FANCB: variants seen among roughly 807,000 people sequenced by gnomAD.
FANCB encodes FA complementation group B.
A neutral mutation model predicts 38.9 loss-of-function variants in FANCB; 5 were observed. The observed-to-expected ratio is 0.13, with a 90% confidence interval of 0.07 to 0.27. The LOEUF is 0.27. Ranked by LOEUF, FANCB falls within the 10% of genes least tolerant of loss-of-function variation. The pLI is 1.00. For missense variants in FANCB, 573 were observed against 602.7 expected (o/e 0.95, Z 0.52); for synonymous variants, 236 against 215.4 (o/e 1.10, Z -0.84).
At chrX:14,712,995 C>A in the FANCB span, among the ~76,000 whole-genome samples, 4 of 112,011 alleles carry the variant, frequency 3.6e-5, no homozygotes, top group South Asian at 1.5e-3. Context: ...ATAGTTCTTC[C>A]CAGCCTTAGG....
chrX:14,846,137 C>T (rs1214114603), intron 7 of FANCB, among the ~76,000 whole-genome samples: 1 of 111,221 alleles, frequency 9.0e-6, no homozygotes, highest in Non-Finnish European at 1.9e-5. Flanking sequence ...GTAGTAGGTG[C>T]AACAGAGAAT....
chrX:14,803,270 T>C, the FANCB span, among the ~76,000 whole-genome samples: 2 of 112,089 alleles, frequency 1.8e-5, no homozygotes, highest in Non-Finnish European at 3.8e-5. Context: ...CCAGTTTGTA[T>C]ACACAAAAAG....
downstream of FANCB, among the ~76,000 whole-genome samples, chrX:14,833,693 C>T (rs2092333677): frequency 9.2e-6 from 1 of 108,935 alleles, no homozygotes; most frequent in Non-Finnish European, 1.9e-5. Context: ...TTCACACCTG[C>T]AATCTCAGCT....
the FANCB span, among the ~76,000 whole-genome samples, chrX:14,703,579 A>G: frequency 3.6e-5 from 4 of 111,697 alleles, no homozygotes; most frequent in Admixed American, 9.5e-5. Context: ...AAGGATTAGG[A>G]CACAGACATC....
chrX:14,840,334 C>T (rs2147381158), downstream of FANCB, among the ~76,000 whole-genome samples: 1 of 111,954 alleles, frequency 8.9e-6, no homozygotes, highest in African/African-American at 3.2e-5. Context: ...TACTTCCAGC[C>T]TGACAGTCTT....
chrX:14,841,823 A>G (rs1239564998), downstream of FANCB, among the ~76,000 whole-genome samples: 1 of 111,890 alleles, frequency 8.9e-6, no homozygotes, highest in East Asian at 2.8e-4. Context: ...GTTAAAAAAA[A>G]TACTGGAGTA....
chrX:14,763,223 T>A, the FANCB span, among the ~76,000 whole-genome samples: 3,061 of 112,029 alleles, frequency 0.027, 99 homozygotes, highest in African/African-American at 0.094. Flanking sequence ...CAAAGTAATG[T>A]ACAAGGATGT....
chrX:14,812,541 A>G, the FANCB span, among the ~76,000 whole-genome samples: 1 of 112,105 alleles, frequency 8.9e-6, no homozygotes, highest in Non-Finnish European at 1.9e-5. Context: ...AAACACCTCT[A>G]CACAAATAAA....
chrX:14,850,953 C>T (rs1252799354), intron 6 of FANCB, among the ~76,000 whole-genome samples: 1 of 109,578 alleles, frequency 9.1e-6, no homozygotes, highest in Admixed American at 9.7e-5. Flanking sequence ...ACCTGGAGTC[C>T]ATTTTGAAAA....
chrX:14,689,726 T>C, the FANCB span, among the ~76,000 whole-genome samples: 13 of 112,077 alleles, frequency 1.2e-4, no homozygotes, highest in East Asian at 3.6e-3. Context: ...ATTTAAAAAT[T>C]AGAACTGAAT....
Position 14,864,626 on chromosome X carries a change from T to C in FANCB, c.885A>G (p.Gly295=), listed in dbSNP as rs1477082234. 8.3e-7 allele frequency: 1 copy of C among 1,209,099 alleles called. No individual in the cohort carries two copies. The highest frequency in any genetic ancestry group is 2.2e-5 in the Admixed American group (1 of 46,039). Reference sequence around the variant, plus strand: ...TAAAGGATACAACGAAAAAGAGGTTTCCTCCACCTGAATCCATAAGTTGAA... The same window carrying C: ...TAAAGGATACAACGAAAAAGAGGTTCCCTCCACCTGAATCCATAAGTTGAA... ...CAVQLMDSGG[G]NLFFVVSFIS... Residue 295 remains glycine, a synonymous_variant, in exon 3 of 10, where the codon GGA becomes GGG. Coordinates refer to ENST00000650831, the MANE Select transcript of FANCB (RefSeq NM_001018113.3).
the FANCB span, among the ~76,000 whole-genome samples, chrX:14,722,779 TA>T: frequency 9.0e-6 from 1 of 111,287 alleles, no homozygotes; most frequent in African/African-American, 3.3e-5. Flanking sequence ...AGAATGAGTG[TA>T]GGGGATCCCA....
the FANCB span, among the ~76,000 whole-genome samples, chrX:14,784,752 A>G: frequency 8.9e-6 from 1 of 112,314 alleles, no homozygotes; most frequent in African/African-American, 3.2e-5. Flanking sequence ...TAGCAAAGAC[A>G]TAGAAGCAAC....
intron 1 of FANCB, among the ~76,000 whole-genome samples, chrX:14,870,694 CT>C (rs1199047780): frequency 4.5e-5 from 5 of 111,540 alleles, no homozygotes; most frequent in Non-Finnish European, 7.5e-5. Flanking sequence ...ACTGCCCCCC[CT>C]CTTAATAAAT....
the FANCB span, among the ~76,000 whole-genome samples, chrX:14,709,231 C>A: frequency 3.6e-5 from 4 of 110,990 alleles, no homozygotes; most frequent in African/African-American, 1.3e-4. Flanking sequence ...AAGACCCTGT[C>A]TCTTTAAAAA....
the FANCB span, among the ~76,000 whole-genome samples, chrX:14,699,167 C>T: frequency 1.8e-5 from 2 of 111,979 alleles, no homozygotes; most frequent in African/African-American, 6.5e-5. Context: ...TTAATGTTAT[C>T]GCCTCTGCTC....
chrX:14,843,566 A>G lies in FANCB; in HGVS notation c.*1T>C, dbSNP rs763533295. On this transcript the variant is annotated 3_prime_UTR_variant, in exon 10 of 10. Coordinates refer to ENST00000650831, the MANE Select transcript of FANCB (RefSeq NM_001018113.3). Reference sequence around the variant, plus strand: ...AAAATATGATCAAATTGAAATTATAATTATAAATTACTCAGTTTCTGTGCA... The same window carrying G: ...AAAATATGATCAAATTGAAATTATAGTTATAAATTACTCAGTTTCTGTGCA... 8.7e-7 allele frequency: 1 copy of G among 1,144,027 alleles called. No individual in the cohort carries two copies. Among genetic ancestry groups the G allele is most frequent in the East Asian group, 3.0e-5 (1 of 33,466 alleles). 94.3% of individuals were successfully genotyped at this position (1,144,027 alleles called of 1,213,427 possible). A position where few individuals can be genotyped will look rare whatever the true frequency, so the allele number is the denominator to read the frequency against.
the FANCB span, among the ~76,000 whole-genome samples, chrX:14,795,099 G>A: frequency 8.9e-6 from 1 of 111,951 alleles, no homozygotes; most frequent in African/African-American, 3.2e-5. Flanking sequence ...TGCTTTAAAG[G>A]CTGTCAAGTG....
chrX:14,754,172 G>T, the FANCB span, among the ~76,000 whole-genome samples: 1 of 112,587 alleles, frequency 8.9e-6, no homozygotes, highest in East Asian at 2.8e-4. Context: ...ACAATAGTTC[G>T]CCAGCTGAAC....
Sources: allele counts gnomAD v4.1 joint callset (sites outside exome capture counted in the v4.1 genomes callset), GRCh38; gene constraint gnomAD v4.1.1; transcripts MANE v1.5; gene names NCBI Gene and HGNC (gene_info 2026-07-23, HGNC 2026-07-21).